CNTNAP2: variants seen among roughly 807,000 people sequenced by gnomAD.
CNTNAP2 encodes contactin-associated protein-like 2.
In CNTNAP2, 98 loss-of-function variants were observed where a neutral mutation model predicts 155.2. The observed-to-expected ratio is 0.63, with a 90% CI of 0.54 to 0.75. The LOEUF (loss-of-function observed/expected upper bound fraction) is 0.75. CNTNAP2 is among the 30% of genes least tolerant of loss of function. The pLI is 0.00. For synonymous variants in CNTNAP2, 651 were observed against 631.2 expected, an observed-to-expected ratio of 1.03 and a Z score of -0.47; for missense variants, 1,727 against 1,688.1, an observed-to-expected ratio of 1.02 and a Z score of -0.40.
intron 13 of CNTNAP2, among the ~76,000 whole-genome samples, chr7:147,893,309 A>G (rs1016492023): frequency 1.3e-5 from 2 of 152,186 alleles, no homozygotes; most frequent in African/African-American, 4.8e-5. Flanking sequence ...AACTGAGAAA[A>G]AAAGTATTAA....
At chr7:146,162,483 T>C (rs914373087) in intron 1 of CNTNAP2, among the ~76,000 whole-genome samples, 22 of 152,136 alleles carry the variant, frequency 1.4e-4, no homozygotes, top group African/African-American at 2.4e-4. Flanking sequence ...GTTAGAATGG[T>C]GATCATTAAA....
At chr7:147,705,618 C>T (rs1796298409) in intron 13 of CNTNAP2, among the ~76,000 whole-genome samples, 2 of 152,082 alleles carry the variant, frequency 1.3e-5, no homozygotes, top group African/African-American at 4.8e-5. Context: ...AATTATCTGT[C>T]TAGATGATTT....
At chr7:148,071,776 G>A (rs145495344) in intron 15 of CNTNAP2, among the ~76,000 whole-genome samples, 168 of 152,294 alleles carry the variant, frequency 1.1e-3, no homozygotes, top group Middle Eastern at 6.8e-3. Context: ...TCTACTGTCA[G>A]TAAGTTTTAT....
chr7:147,350,847 A>T (rs1173163079), intron 9 of CNTNAP2, among the ~76,000 whole-genome samples: 1 of 151,880 alleles, frequency 6.6e-6, no homozygotes, highest in African/African-American at 2.4e-5. Flanking sequence ...TAAAGTACCT[A>T]AAAAAATTTA....
chr7:147,377,732 A>C (rs73475212), intron 9 of CNTNAP2, among the ~76,000 whole-genome samples: 1 of 151,834 alleles, frequency 6.6e-6, no homozygotes, highest in Non-Finnish European at 1.5e-5. Flanking sequence ...TACTTTGAGT[A>C]TATTATCCTA....
chr7:147,521,030 C>T (rs1004957228), intron 11 of CNTNAP2, among the ~76,000 whole-genome samples: 1 of 152,174 alleles, frequency 6.6e-6, no homozygotes, highest in Non-Finnish European at 1.5e-5. Flanking sequence ...ATGTGAGCAA[C>T]GCTTTGGATC....
intron 1 of CNTNAP2, among the ~76,000 whole-genome samples, chr7:146,715,652 T>C (rs1366928420): frequency 6.6e-6 from 1 of 152,200 alleles, no homozygotes; most frequent in African/African-American, 2.4e-5. Flanking sequence ...GAGCAAAATA[T>C]TGCTTTTGAT....
At chr7:147,222,673 GAGC>G (rs1474601055) in intron 8 of CNTNAP2, among the ~76,000 whole-genome samples, 1 of 152,096 alleles carries the variant, frequency 6.6e-6, no homozygotes, top group Non-Finnish European at 1.5e-5. Context: ...GGGCAAAAGG[GAGC>G]ACTTTAAACA....
chr7:148,295,495 ATTT>A (rs770172459), intron 21 of CNTNAP2, among the ~76,000 whole-genome samples: 1 of 146,066 alleles, frequency 6.8e-6, no homozygotes. Flanking sequence ...ATTTTAATCA[ATTT>A]TTTTTTTTTT....
At chr7:146,939,448 G>A (rs559557978) in intron 3 of CNTNAP2, among the ~76,000 whole-genome samples, 7 of 152,156 alleles carry the variant, frequency 4.6e-5, no homozygotes, top group African/African-American at 1.2e-4. Flanking sequence ...TTAAAACTTC[G>A]GGTTTTTTTA....
At chr7:146,448,212 C>T (rs77975666) in intron 1 of CNTNAP2, among the ~76,000 whole-genome samples, 2,513 of 152,010 alleles carry the variant, frequency 0.017, 42 homozygotes, top group South Asian at 0.038. Flanking sequence ...CCTCAGAAAT[C>T]GATTGTCATC....
chr7:146,488,879 C>A (rs959665528), intron 1 of CNTNAP2, among the ~76,000 whole-genome samples: 1 of 152,154 alleles, frequency 6.6e-6, no homozygotes, highest in African/African-American at 2.4e-5. Context: ...CTTGGCCTAC[C>A]AAACTGTTGG....
chr7:147,574,489 A>G (rs1192183028), intron 12 of CNTNAP2, among the ~76,000 whole-genome samples: 2 of 152,084 alleles, frequency 1.3e-5, no homozygotes, highest in Non-Finnish European at 2.9e-5. Context: ...TATTCTCAGT[A>G]GTGTCCTTGT....
At chr7:146,487,699 AC>A (rs1234588242) in intron 1 of CNTNAP2, among the ~76,000 whole-genome samples, 13 of 152,336 alleles carry the variant, frequency 8.5e-5, no homozygotes, top group African/African-American at 3.1e-4. Flanking sequence ...AGAGAGGCTT[AC>A]GCAGCATCCT....
At chr7:147,124,744 G>GATTC (rs1801198551) in intron 6 of CNTNAP2, among the ~76,000 whole-genome samples, 1 of 152,076 alleles carries the variant, frequency 6.6e-6, no homozygotes, top group Admixed American at 6.5e-5. Context: ...GTATGAGTGG[G>GATTC]ATTCAGCACA....
intron 3 of CNTNAP2, among the ~76,000 whole-genome samples, chr7:146,847,298 A>G (rs1338001716): frequency 6.6e-6 from 1 of 152,112 alleles, no homozygotes; most frequent in East Asian, 1.9e-4. Context: ...GTGCCTGGAG[A>G]CGCCTGAGAG....
At chr7:147,686,107 G>C (rs1796014427) in intron 13 of CNTNAP2, among the ~76,000 whole-genome samples, 1 of 152,058 alleles carries the variant, frequency 6.6e-6, no homozygotes, top group African/African-American at 2.4e-5. Context: ...AGGAAGCAGA[G>C]GTGCCACTTA....
chr7:146,838,598 G>A (rs1015984458), intron 2 of CNTNAP2, among the ~76,000 whole-genome samples: 1 of 148,154 alleles, frequency 6.7e-6, no homozygotes, highest in South Asian at 2.1e-4. Context: ...GATTACAGGC[G>A]TGAGCCACTG....
At chr7:148,089,249 C>G (rs1803793565) in intron 15 of CNTNAP2, among the ~76,000 whole-genome samples, 1 of 151,928 alleles carries the variant, frequency 6.6e-6, no homozygotes, top group Non-Finnish European at 1.5e-5. Flanking sequence ...AGGAAGAAGA[C>G]AAGGATGCCC....
Sources: allele counts gnomAD v4.1 joint callset (sites outside exome capture counted in the v4.1 genomes callset), GRCh38; gene constraint gnomAD v4.1.1; transcripts MANE v1.5; gene names NCBI Gene and HGNC (gene_info 2026-07-23, HGNC 2026-07-21).